Variants in ZNF664 observed in about 807,000 individuals in gnomAD.
ZNF664 encodes the protein zinc finger Organ of Corti 1.
A neutral mutation model predicts 18.2 loss-of-function variants in ZNF664; 10 were observed. That is an observed-to-expected ratio of 0.55 (90% CI 0.34 to 0.93). The LOEUF (loss-of-function observed/expected upper bound fraction) is 0.93. ZNF664 is among the 40% of genes least tolerant of loss of function. The pLI, the probability that ZNF664 is intolerant of heterozygous loss-of-function variation, is 0.02. For synonymous variants in ZNF664, 119 were observed against 104.2 expected (o/e 1.14, Z -0.86); for missense variants, 193 against 319.0 (o/e 0.61, Z 3.01).
At chr12:123,987,883 T>C in intron 2 of ZNF664, 160 bp from the exon 3 acceptor site, 6 of 892,450 alleles carry the variant, frequency 6.7e-6, no homozygotes, top group Non-Finnish European at 8.1e-6. Flanking sequence ...CCTCCATGCC[T>C]TGAATCCCAT....
intron 3 of ZNF664, among the ~76,000 whole-genome samples, chr12:123,993,249 T>G (rs148882356): frequency 6.6e-6 from 1 of 152,262 alleles, no homozygotes; most frequent in Non-Finnish European, 1.5e-5. Flanking sequence ...ATGCAGGCAC[T>G]GTAATGGGGA....
At chr12:123,979,995 TA>T (rs1956743625) in intron 2 of ZNF664, among the ~76,000 whole-genome samples, 2 of 152,316 alleles carry the variant, frequency 1.3e-5, no homozygotes, top group South Asian at 4.1e-4. Flanking sequence ...ATTAGTTTTT[TA>T]TATAGAGAGG....
intron 2 of ZNF664, among the ~76,000 whole-genome samples, chr12:123,982,515 T>G (rs1342023068): frequency 6.6e-6 from 1 of 152,166 alleles, no homozygotes; most frequent in Admixed American, 6.5e-5. Context: ...TGGAAGGCCA[T>G]TCTGAAACTC....
At chr12:123,979,425 A>G (rs1051359913) in intron 2 of ZNF664, among the ~76,000 whole-genome samples, 1 of 152,206 alleles carries the variant, frequency 6.6e-6, no homozygotes, top group African/African-American at 2.4e-5. Context: ...GAGGCACCTA[A>G]TACATTGTTG....
intron 3 of ZNF664, chr12:123,989,518 A>G (rs1279321850): frequency 3.3e-5 from 5 of 152,182 alleles, no homozygotes; most frequent in Non-Finnish European, 7.4e-5. Flanking sequence ...CCAGTTTAAG[A>G]TTGCCACTAA....
At position 123,974,024 on chromosome 12, in the gene ZNF664, A is replaced by T; in HGVS notation, c.-757+4A>T. On this transcript the variant is annotated splice_donor_region_variant and intron_variant, in intron 2 of 4. Transcript: ENST00000337815. ...CAAGGGCCGGATTCTCACCCAGGTA[A>T]ACCGGCTGCCGGCGCTGTCCACTTC... 1 of 1,006,412 alleles carries T rather than the reference A, an allele frequency of 9.9e-7. No homozygotes were observed. Among genetic ancestry groups the T allele is most frequent in the Non-Finnish European group, 1.3e-6 (1 of 790,314 alleles). 62.3% of individuals were successfully genotyped at this position (1,006,412 alleles called of 1,614,324 possible).
intron 3 of ZNF664, chr12:123,989,181 G>T (rs752979093): frequency 3.9e-5 from 6 of 152,830 alleles, no homozygotes; most frequent in Non-Finnish European, 8.8e-5. Flanking sequence ...ATGTAGATGT[G>T]TGATGTCTTT....
intron 3 of ZNF664, among the ~76,000 whole-genome samples, chr12:123,994,998 C>T (rs556099946): frequency 1.3e-5 from 2 of 152,296 alleles, no homozygotes; most frequent in African/African-American, 2.4e-5. Flanking sequence ...GGGCAAAGAA[C>T]ATCTGTTACA....
At chr12:123,983,466 T>C (rs1304057068) in intron 2 of ZNF664, among the ~76,000 whole-genome samples, 3 of 152,218 alleles carry the variant, frequency 2.0e-5, no homozygotes, top group African/African-American at 7.2e-5. Flanking sequence ...TTCATACCCC[T>C]GAAAGTTCAT....
At chr12:123,981,812 A>G (rs946518686) in intron 2 of ZNF664, among the ~76,000 whole-genome samples, 1 of 152,218 alleles carries the variant, frequency 6.6e-6, no homozygotes, top group African/African-American at 2.4e-5. Context: ...ATGACTAGAT[A>G]CTATACATAG....
At chr12:123,975,413 C>G (rs1956677004) in intron 2 of ZNF664, among the ~76,000 whole-genome samples, 1 of 150,060 alleles carries the variant, frequency 6.7e-6, no homozygotes, top group Admixed American at 6.6e-5. Context: ...TCTTTTCTTC[C>G]TCTTCATTAA....
At chr12:124,007,734 A>G (rs1318315616) in intron 3 of ZNF664, among the ~76,000 whole-genome samples, 3 of 152,106 alleles carry the variant, frequency 2.0e-5, no homozygotes, top group South Asian at 2.1e-4. Flanking sequence ...ACCATACACA[A>G]TATTTTACAA....
chr12:124,002,446 C>T (rs1406549209), intron 3 of ZNF664, among the ~76,000 whole-genome samples: 1 of 152,190 alleles, frequency 6.6e-6, no homozygotes, highest in African/African-American at 2.4e-5. Flanking sequence ...ATAAGGGTGA[C>T]TACTGGTAGA....
rs550101735 is a variant in ZNF664, at chr12:123,975,393, C to G, written c.-757+1373C>G. Among the ~76,000 whole-genome samples, 6 of 150,162 alleles carry G rather than the reference C, an allele frequency of 4.0e-5. No homozygotes were observed. The South Asian group carries it at 1.1e-3, about 27-fold the overall frequency. On this transcript the variant is annotated intron_variant, in intron 2 of 4. Transcript: ENST00000337815. ...AACAATATTTTGCAAAGCATTTTTT[C>G]CTAGGGCTTTCTTTTCTTCCTCTTC...
intron 3 of ZNF664, among the ~76,000 whole-genome samples, chr12:124,005,372 A>G (rs1354569702): frequency 6.6e-6 from 1 of 152,202 alleles, no homozygotes; most frequent in South Asian, 2.1e-4. Flanking sequence ...CAGTCTTACC[A>G]TAACATGCAG....
chr12:123,976,459 G>A (rs1290287293), intron 2 of ZNF664, among the ~76,000 whole-genome samples: 2 of 152,218 alleles, frequency 1.3e-5, no homozygotes, highest in African/African-American at 4.8e-5. Flanking sequence ...CTATGGAGGT[G>A]AAGGGGAAGA....
chr12:123,986,945 A>G (rs1956832466), intron 2 of ZNF664, among the ~76,000 whole-genome samples: 1 of 152,242 alleles, frequency 6.6e-6, no homozygotes, highest in African/African-American at 2.4e-5. Flanking sequence ...CAGAGAAACT[A>G]AAATAGCTAA....
intron 3 of ZNF664, among the ~76,000 whole-genome samples, chr12:124,006,505 A>T (rs1957075564): frequency 1.3e-5 from 2 of 152,206 alleles, no homozygotes; most frequent in Admixed American, 1.3e-4. Context: ...TTTAAGACTC[A>T]GTTTTTGACT....
chr12:123,974,589 A>G (rs1956660650), intron 2 of ZNF664: 1 of 152,238 alleles, frequency 6.6e-6, no homozygotes, highest in African/African-American at 2.4e-5. Context: ...TAAAAACAGC[A>G]TATCACAGAG....
Sources: gnomAD v4.1 joint callset for allele counts (sites outside exome capture counted in the v4.1 genomes callset) on GRCh38, gnomAD v4.1.1 for gene constraint, MANE v1.5 for transcripts, NCBI Gene and HGNC (gene_info 2026-07-23, HGNC 2026-07-21) for gene names.